MPC2: variants seen among roughly 807,000 people sequenced by gnomAD.
MPC2 encodes the protein mitochondrial pyruvate carrier 2.
In MPC2, 19 loss-of-function variants were observed where a neutral mutation model predicts 19.2. The observed-to-expected ratio is 0.99, with a 90% CI of 0.69 to 1.45. The LOEUF is 1.45. Among genes scored for constraint, MPC2 ranks in the 40% most tolerant of loss-of-function variants. The pLI is 0.00. For missense variants in MPC2, 122 were observed against 153.0 expected, an observed-to-expected ratio of 0.80 and a Z score of 1.07; for synonymous variants, 61 against 54.3, an observed-to-expected ratio of 1.12 and a Z score of -0.54.
At position 167,917,614 on chromosome 1, in the gene MPC2, A is replaced by C. The variant is rs556305297; in HGVS notation, c.*709T>G. The C allele has an allele frequency of 6.6e-6, 1 of 152,554 alleles. No individual in the cohort carries two copies. Among genetic ancestry groups the C allele is most frequent in the Admixed American group, 6.6e-5 (1 of 15,214 alleles). The allele number at this position is 152,554 out of a possible 1,614,324, so 9.5% of individuals were successfully genotyped here. On this transcript the variant is annotated 3_prime_UTR_variant, in exon 6 of 6. Coordinates refer to ENST00000271373, the MANE Select transcript of MPC2 (RefSeq NM_001143674.4). ...CCCTGTCTCAAAAAAAAAAAAAAAA[A>C]AAAAGTCACAACAGATAAGTCATAG...
At chr1:167,918,444 T>A (rs539338523) in intron 5 of MPC2, 85 bp from the exon 6 acceptor site, 1 of 866,258 alleles carries the variant, frequency 1.2e-6, no homozygotes, top group South Asian at 1.7e-5. Flanking sequence ...ATACTCCATT[T>A]CTTCTTTCTT....
intron 1 of MPC2, 174 bp downstream of exon 1, chr1:167,936,765 C>T (rs1001861455): frequency 1.2e-5 from 8 of 682,906 alleles, no homozygotes; most frequent in Non-Finnish European, 2.0e-5. Flanking sequence ...CCAGGCGCCG[C>T]TGCTGCCACC....
intron 3 of MPC2, among the ~76,000 whole-genome samples, chr1:167,923,387 CAT>C (rs71781094): frequency 0.03 from 4,551 of 152,212 alleles, 233 homozygotes; most frequent in African/African-American, 0.1. Flanking sequence ...GAAAGTGACA[CAT>C]GTGACAACGT....
At chr1:167,936,016 G>C (rs541071028) in intron 1 of MPC2, 118 bp from the exon 2 acceptor site, 67 of 614,780 alleles carry the variant, frequency 1.1e-4, no homozygotes, top group South Asian at 7.4e-4. Context: ...GCTGCGGCCC[G>C]CGCCCCGCGA....
intron 2 of MPC2, among the ~76,000 whole-genome samples, chr1:167,925,442 C>CATATATATATATATATATATAT (rs369657697): frequency 1.1e-4 from 9 of 82,468 alleles, no homozygotes; most frequent in South Asian, 4.0e-4. Flanking sequence ...TACATATACA[C>CATATATATATATATATATATAT]ATATATATAT....
At chr1:167,934,848 A>G (rs532853470) in intron 2 of MPC2, among the ~76,000 whole-genome samples, 2 of 152,320 alleles carry the variant, frequency 1.3e-5, no homozygotes, top group Admixed American at 1.3e-4. Context: ...CCTAGCAAAT[A>G]AGTATTATTA....
chr1:167,918,074 C>T lies in MPC2; in HGVS notation c.*249G>A, dbSNP rs544146265. On this transcript the variant is annotated 3_prime_UTR_variant, in exon 6 of 6. Coordinates refer to ENST00000271373, the MANE Select transcript of MPC2 (RefSeq NM_001143674.4). ...AACAGAAGGAGGCAGGGGGTATATA[C>T]GAGCAAGTATGGTTTATTACGGACA... The T allele has an allele frequency of 3.3e-5, 12 of 361,090 alleles. No homozygotes were observed. Among genetic ancestry groups the T allele is most frequent in the South Asian group, 1.2e-4 (2 of 16,932 alleles). 22.4% of individuals were successfully genotyped at this position (361,090 alleles called of 1,614,324 possible). A position where few individuals can be genotyped will look rare whatever the true frequency, so the allele number is the denominator to read the frequency against.
intron 2 of MPC2, among the ~76,000 whole-genome samples, chr1:167,929,962 C>T (rs1471547668): frequency 5.3e-5 from 8 of 152,196 alleles, no homozygotes; most frequent in South Asian, 2.1e-4. Flanking sequence ...TACACAAGTT[C>T]ACCTGTTTGC....
chr1:167,934,090 A>C (rs1437615272), intron 2 of MPC2, among the ~76,000 whole-genome samples: 1 of 152,212 alleles, frequency 6.6e-6, no homozygotes, highest in Non-Finnish European at 1.5e-5. Context: ...GGGGGTTAAA[A>C]TAACTGAACG....
chr1:167,932,302 A>G (rs994356575), intron 2 of MPC2, among the ~76,000 whole-genome samples: 4 of 152,140 alleles, frequency 2.6e-5, no homozygotes, highest in African/African-American at 9.7e-5. Context: ...CTGCAATAAT[A>G]TATTTTTGTA....
intron 1 of MPC2, chr1:167,936,443 T>C: frequency 5.5e-6 from 1 of 181,246 alleles, no homozygotes; most frequent in South Asian, 1.1e-4. Context: ...AGCTTCTCTC[T>C]CTACTCGTCT....
Position 167,918,158 on chromosome 1 carries a change from C to T in MPC2, c.*165G>A. On this transcript the variant is annotated 3_prime_UTR_variant, in exon 6 of 6. Transcript: ENST00000271373. The stretch of plus-strand genomic sequence containing the variant: ...AAGTTCCTTAAGTCATGTAGAGAGA[C>T]TGTTATTAAAAGTTTGCTGCATTTT... 1.8e-6 allele frequency: 1 copy of T among 549,920 alleles called. No homozygotes were observed. The highest frequency in any genetic ancestry group is 1.9e-5 in the African/African-American group (1 of 52,124). The allele number at this position is 549,920 out of a possible 1,614,324, so 34.1% of individuals were successfully genotyped here.
At chr1:167,925,442 C>CATATATATATATATAT (rs369657697) in intron 2 of MPC2, among the ~76,000 whole-genome samples, 40 of 82,444 alleles carry the variant, frequency 4.9e-4, no homozygotes, top group Non-Finnish European at 7.6e-4. Context: ...TACATATACA[C>CATATATATATATATAT]ATATATATAT....
At chr1:167,934,163 G>A (rs567692018) in intron 2 of MPC2, among the ~76,000 whole-genome samples, 2 of 152,284 alleles carry the variant, frequency 1.3e-5, no homozygotes, top group Admixed American at 1.3e-4. Context: ...TCTTCATTCT[G>A]AAAGCTGAGT....
intron 2 of MPC2, among the ~76,000 whole-genome samples, chr1:167,934,385 GCATAGCTCAACCC>G (rs1671000929): frequency 6.6e-6 from 1 of 152,158 alleles, no homozygotes; most frequent in Non-Finnish European, 1.5e-5. Flanking sequence ...ATTACAAAAA[GCATAGCTCAACCC>G]TCCTTCCCGA....
At chr1:167,928,925 G>A (rs1183673029) in intron 2 of MPC2, among the ~76,000 whole-genome samples, 1 of 152,174 alleles carries the variant, frequency 6.6e-6, no homozygotes, top group Non-Finnish European at 1.5e-5. Context: ...GAAAGAAATT[G>A]TCCACATCAA....
At chr1:167,932,787 G>C (rs575396195) in intron 2 of MPC2, among the ~76,000 whole-genome samples, 24 of 121,884 alleles carry the variant, frequency 2.0e-4, no homozygotes, top group Non-Finnish European at 3.1e-4. Flanking sequence ...CCAACCTAGG[G>C]AACAGAGCAA....
intron 2 of MPC2, among the ~76,000 whole-genome samples, chr1:167,930,122 A>G (rs1670868267): frequency 6.6e-6 from 1 of 152,182 alleles, no homozygotes; most frequent in Non-Finnish European, 1.5e-5. Context: ...ACCATTTTAG[A>G]GCCATATAAT....
intron 2 of MPC2, among the ~76,000 whole-genome samples, chr1:167,928,923 T>C (rs1359469407): frequency 6.6e-6 from 1 of 152,160 alleles, no homozygotes; most frequent in Non-Finnish European, 1.5e-5. Flanking sequence ...ATGAAAGAAA[T>C]TGTCCACATC....
Sources: gnomAD v4.1 joint callset for allele counts (sites outside exome capture counted in the v4.1 genomes callset) on GRCh38, gnomAD v4.1.1 for gene constraint, MANE v1.5 for transcripts, NCBI Gene and HGNC (gene_info 2026-07-23, HGNC 2026-07-21) for gene names.